The following EXOSC5 variants were observed in gnomAD, a reference collection of about 807,000 sequenced individuals.
EXOSC5 encodes exosome complex component RRP46.
EXOSC5 carries 15 observed loss-of-function variants against 23.7 expected under a neutral mutation model. The observed-to-expected ratio is 0.63, with a 90% CI of 0.42 to 0.97. The LOEUF (loss-of-function observed/expected upper bound fraction) is 0.97. EXOSC5 is among the 50% of genes least tolerant of loss of function. The pLI is 0.00. For synonymous variants in EXOSC5, 143 were observed against 140.9 expected, an observed-to-expected ratio of 1.02 and a Z score of -0.11; for missense variants, 305 against 316.3, an observed-to-expected ratio of 0.96 and a Z score of 0.27.
chr19:41,387,404 A>G (rs1453092879), intron 5 of EXOSC5, 110 bp downstream of exon 5: 2 of 868,122 alleles, frequency 2.3e-6, no homozygotes, highest in African/African-American at 3.5e-5. Flanking sequence ...ACAAGAAGAA[A>G]TTTAAGAGGC....
intron 3 of EXOSC5, among the ~76,000 whole-genome samples, chr19:41,390,952 A>G (rs2039018872): frequency 6.6e-6 from 1 of 152,056 alleles, no homozygotes. Context: ...CTAGTCCTCA[A>G]CCTCAACCTC....
At chr19:41,393,113 A>G (rs1278048349) in intron 1 of EXOSC5, 133 bp from the exon 2 acceptor site, 1 of 654,556 alleles carries the variant, frequency 1.5e-6, no homozygotes, top group South Asian at 1.7e-5. Flanking sequence ...TTGAGCACTC[A>G]CTTCATTTCT....
intron 1 of EXOSC5, 50 bp from the exon 2 acceptor site, chr19:41,393,030 G>A (rs1798077185): frequency 6.4e-7 from 1 of 1,569,524 alleles, no homozygotes. Context: ...TGCTCCTGGG[G>A]CCCCATTTGT....
chr19:41,394,799 C>A (rs1363138676), intron 1 of EXOSC5, among the ~76,000 whole-genome samples: 2 of 152,098 alleles, frequency 1.3e-5, no homozygotes, highest in East Asian at 3.9e-4. Flanking sequence ...CTGTGGGAGG[C>A]TGAGGCAGGT....
chr19:41,392,819 A>G (rs757846858), intron 2 of EXOSC5, 48 bp downstream of exon 2: 14 of 1,586,110 alleles, frequency 8.8e-6, no homozygotes, highest in Non-Finnish European at 1.2e-5. Flanking sequence ...TGGGGGGGTG[A>G]TTTTGACAAA....
chr19:41,392,595 TAAATAAATAA>T (rs1568497413), intron 2 of EXOSC5, among the ~76,000 whole-genome samples: 1 of 147,648 alleles, frequency 6.8e-6, no homozygotes. Flanking sequence ...AAAAAAAAAA[TAAATAAATAA>T]AAATAAATAA....
rs34500671 is a variant in EXOSC5 at position 41,397,230 on chromosome 19, G to A, written c.99C>T (p.Cys33=). 5.0e-5 allele frequency: 81 copies of A among 1,614,064 alleles called. No individual in the cohort carries two copies. Among genetic ancestry groups the A allele is most frequent in the Non-Finnish European group, 6.6e-5 (78 of 1,180,010 alleles). Residue 33 remains cysteine, a synonymous_variant, in exon 1 of 6, where the codon TGC becomes TGT. Transcript: ENST00000221233. ...CTGGCCGCGACAGCAGGTTCTGTTC[G>A]CAGGCAAAGTGCCGGAGGCTGCAGC... ...GPGCSLRHFA[C]EQNLLSRPDG... is the part of the protein sequence containing the mutation.
chr19:41,386,809 C>G lies in EXOSC5; in HGVS notation c.616-84G>C, dbSNP rs189332626. The G allele has an allele frequency of 1.7e-4, 213 of 1,226,928 alleles. No individual in the cohort carries two copies. In the African/African-American group the frequency reaches 2.8e-3, roughly 16 times the overall value. 76.0% of individuals were successfully genotyped at this position (1,226,928 alleles called of 1,614,324 possible). On this transcript the variant is annotated intron_variant, in intron 5 of 5. Transcript: ENST00000221233. ...GCTGACCCAGGAGGTTCTGCTGACC[C>G]CACCTGACTCCCTTAACCTCCCATC...
In EXOSC5 at chr19:41,390,009, T is replaced by C. The variant is rs567893620; in HGVS notation, c.385-104A>G. 261 of 1,337,490 alleles carry C rather than the reference T, an allele frequency of 2.0e-4. 1 individual carries two copies. The Middle Eastern group carries it at 3.9e-3, about 20-fold the overall frequency. The allele number at this position is 1,337,490 out of a possible 1,614,324, so 82.9% of individuals were successfully genotyped here. A position where few individuals can be genotyped will look rare whatever the true frequency, so the allele number is the denominator to read the frequency against. ...GTGCAATGGTGTGATCTCGGCTCAC[T>C]GCAACCTCCACCTCCTGGGTTCAAG... On this transcript the variant is annotated intron_variant, in intron 3 of 5. Coordinates refer to ENST00000221233, the MANE Select transcript of EXOSC5 (RefSeq NM_020158.4).
intron 4 of EXOSC5, among the ~76,000 whole-genome samples, chr19:41,388,683 G>A (rs2039001711): frequency 1.3e-5 from 2 of 152,168 alleles, no homozygotes; most frequent in African/African-American, 4.8e-5. Context: ...AACCCTCCAA[G>A]TGGTTTCCGT....
At chr19:41,395,033 CAAAAAAAAAAAAAG>C (rs1237773219) in intron 1 of EXOSC5, among the ~76,000 whole-genome samples, 123 of 74,866 alleles carry the variant, frequency 1.6e-3, no homozygotes, top group South Asian at 4.6e-3. Flanking sequence ...GACTCCATCT[CAAAAAAAAAAAAAG>C]AAAAAAAAAA....
chr19:41,392,575 C>CT (rs2039031295), intron 2 of EXOSC5, among the ~76,000 whole-genome samples: 1 of 150,302 alleles, frequency 6.7e-6, no homozygotes, highest in South Asian at 2.1e-4. Flanking sequence ...CAGAGCGAGA[C>CT]ACTGTCTCCA....
chr19:41,389,695 C>A, intron 4 of EXOSC5, 70 bp downstream of exon 4: 16 of 1,558,712 alleles, frequency 1.0e-5, no homozygotes, highest in Non-Finnish European at 1.4e-5. Flanking sequence ...TGTAGAGAAG[C>A]GAGGCCTGGA....
chr19:41,396,929 A>T (rs2039072333), intron 1 of EXOSC5, among the ~76,000 whole-genome samples: 1 of 152,066 alleles, frequency 6.6e-6, no homozygotes, highest in African/African-American at 2.4e-5. Context: ...CTGAAATATC[A>T]ATTCTTGGGC....
At chr19:41,394,789 C>A (rs988934416) in intron 1 of EXOSC5, among the ~76,000 whole-genome samples, 3 of 152,116 alleles carry the variant, frequency 2.0e-5, no homozygotes, top group Admixed American at 6.5e-5. Flanking sequence ...AATCCCAGCA[C>A]TGTGGGAGGC....
In EXOSC5 at chr19:41,386,790, C is replaced by G. The variant is rs186043263; in HGVS notation, c.616-65G>C. 14 of 1,460,042 alleles carry G rather than the reference C, an allele frequency of 9.6e-6. No homozygotes were observed. The East Asian group carries it at 1.5e-4, about 16-fold the overall frequency. 90.4% of individuals were successfully genotyped at this position (1,460,042 alleles called of 1,614,324 possible). On this transcript the variant is annotated intron_variant, in intron 5 of 5. Transcript: ENST00000221233. ...TTCATGCACACACGACTTGGCTGAC[C>G]CAGGAGGTTCTGCTGACCCCACCTG...
intron 1 of EXOSC5, 48 bp from the exon 2 acceptor site, chr19:41,393,028 G>A: frequency 6.3e-7 from 1 of 1,576,750 alleles, no homozygotes; most frequent in Non-Finnish European, 8.7e-7. Flanking sequence ...CCTGCTCCTG[G>A]GGCCCCATTT....
chr19:41,388,811 C>G (rs1029153449), intron 4 of EXOSC5, among the ~76,000 whole-genome samples: 3 of 152,076 alleles, frequency 2.0e-5, no homozygotes, highest in African/African-American at 7.2e-5. Flanking sequence ...TTTGAGCCTC[C>G]TAGGATGGAA....
intron 1 of EXOSC5, among the ~76,000 whole-genome samples, chr19:41,396,845 G>C (rs1334105666): frequency 1.3e-5 from 2 of 149,690 alleles, no homozygotes; most frequent in Admixed American, 6.7e-5. Flanking sequence ...TGTGTGTGGG[G>C]GGTGGGGGTG....
Sources: allele counts gnomAD v4.1 joint callset (sites outside exome capture counted in the v4.1 genomes callset), GRCh38; gene constraint gnomAD v4.1.1; transcripts MANE v1.5; gene names NCBI Gene and HGNC (gene_info 2026-07-23, HGNC 2026-07-21).